The following TCF3 variants were observed in gnomAD, a reference collection of about 807,000 sequenced individuals.
The protein encoded by TCF3 is transcription factor 3.
TCF3 carries 54 observed loss-of-function variants against 72.3 expected under a neutral mutation model. That is an observed-to-expected ratio of 0.75 (90% CI 0.60 to 0.94). TCF3 has a LOEUF of 0.94. Ranked by LOEUF, TCF3 falls within the 40% of genes least tolerant of loss-of-function variation. The pLI, the probability that TCF3 is intolerant of heterozygous loss-of-function variation, is 0.00. For synonymous variants in TCF3, 525 were observed against 412.6 expected (o/e 1.27, Z -3.30); for missense variants, 1,078 against 934.4 (o/e 1.15, Z -2.00).
intron 7 of TCF3, 41 bp from the exon 8 acceptor site, chr19:1,624,041 G>C: frequency 1.2e-6 from 2 of 1,600,228 alleles, no homozygotes; most frequent in Non-Finnish European, 1.7e-6. Context: ...CACCGGCCAT[G>C]AGAACAACCC....
chr19:1,625,314 G>A (rs928052932), intron 7 of TCF3, among the ~76,000 whole-genome samples: 5 of 152,370 alleles, frequency 3.3e-5, no homozygotes, highest in Admixed American at 1.3e-4. Context: ...GCACATGGCA[G>A]AGCCCGTGCC....
chr19:1,648,044 C>A (rs954819678), intron 2 of TCF3, among the ~76,000 whole-genome samples: 1 of 152,186 alleles, frequency 6.6e-6, no homozygotes, highest in South Asian at 2.1e-4. Flanking sequence ...CCAGGCAGGG[C>A]ATGTCAGCCC....
At chr19:1,652,028 C>G (rs976063448) in intron 1 of TCF3, among the ~76,000 whole-genome samples, 3 of 150,960 alleles carry the variant, frequency 2.0e-5, no homozygotes, top group Admixed American at 2.0e-4. Flanking sequence ...CCCGCGCCCC[C>G]GCCCGGGGCT....
chr19:1,618,896 G>A (rs1037177006), intron 16 of TCF3, among the ~76,000 whole-genome samples: 1 of 152,208 alleles, frequency 6.6e-6, no homozygotes, highest in Non-Finnish European at 1.5e-5. Flanking sequence ...CGAATGAAGA[G>A]GCAGCCCAGA....
rs1317187997 is a variant in TCF3, at chr19:1,650,334, G to A, written c.-39-47C>T. 3.9e-5 allele frequency: 54 copies of A among 1,388,784 alleles called. 1 individual carries two copies. Among genetic ancestry groups the A allele is most frequent in the Non-Finnish European group, 4.9e-5 (50 of 1,016,880 alleles). The allele number at this position is 1,388,784 out of a possible 1,614,324, so 86.0% of individuals were successfully genotyped here. A position where few individuals can be genotyped will look rare whatever the true frequency, so the allele number is the denominator to read the frequency against. ...AGATGGACAGGGAGAAACAGGGAGGGGAGAAGAGTTGTGAGTGGTCAAAGC... is the reference window on the plus strand; with the variant it reads ...AGATGGACAGGGAGAAACAGGGAGGAGAGAAGAGTTGTGAGTGGTCAAAGC... On this transcript the variant is annotated intron_variant, in intron 1 of 18. Coordinates refer to ENST00000262965, the MANE Select transcript of TCF3 (RefSeq NM_003200.5).
Position 1,619,959 on chromosome 19 carries a change from G to A in TCF3, c.1094-106C>T, listed in dbSNP as rs1002403468. ...AACCACCCCGCCTGTCCAGCCTCCG[G>A]TGATGCCCAAGATGGCCATTCCGGG... On this transcript the variant is annotated intron_variant, in intron 13 of 18. Coordinates refer to ENST00000262965, the MANE Select transcript of TCF3 (RefSeq NM_003200.5). 8.6e-6 allele frequency: 9 copies of A among 1,040,514 alleles called. No individual in the cohort carries two copies. In the African/African-American group the frequency reaches 1.1e-4, roughly 13 times the overall value. The allele number at this position is 1,040,514 out of a possible 1,614,324, so 64.5% of individuals were successfully genotyped here.
At chr19:1,640,259 G>A (rs893181908) in intron 3 of TCF3, among the ~76,000 whole-genome samples, 13 of 152,162 alleles carry the variant, frequency 8.5e-5, no homozygotes, top group Non-Finnish European at 1.5e-4. Flanking sequence ...AATGAGGCCG[G>A]GCTCGGTGGC....
chr19:1,611,305 G>A lies in TCF3; in HGVS notation c.*402C>T. The A allele has an allele frequency of 8.1e-6, 3 of 371,926 alleles. No homozygotes were observed. Among genetic ancestry groups the A allele is most frequent in the East Asian group, 3.9e-5 (1 of 25,670 alleles). 23.0% of individuals were successfully genotyped at this position (371,926 alleles called of 1,614,324 possible). A position where few individuals can be genotyped will look rare whatever the true frequency, so the allele number is the denominator to read the frequency against. ...TGTTTCCATTTCTCCGCTTTTTATA[G>A]TTAAGGCATTTTTTTCTTCTCTGAC... On this transcript the variant is annotated 3_prime_UTR_variant, in exon 19 of 19. Transcript: ENST00000262965.
At chr19:1,645,887 T>C (rs1047688664) in intron 3 of TCF3, among the ~76,000 whole-genome samples, 2 of 152,166 alleles carry the variant, frequency 1.3e-5, no homozygotes, top group African/African-American at 4.8e-5. Context: ...TGCTGGGCCC[T>C]GCATACAGCA....
Position 1,612,516 on chromosome 19 carries a change from A to G in TCF3, c.1823-667T>C, listed in dbSNP as rs946649971. ...GGGCTGGGTTGTGGAGAGGGTATCC[A>G]GCTACTTGTGTTTGTGCTGGTGTGG... On this transcript the variant is annotated intron_variant, in intron 18 of 18. Coordinates refer to ENST00000262965, the MANE Select transcript of TCF3 (RefSeq NM_003200.5). The G allele has an allele frequency of 1.5e-5, 20 of 1,365,852 alleles. No homozygotes were observed. The Admixed American group carries it at 3.7e-4, about 25-fold the overall frequency. The allele number at this position is 1,365,852 out of a possible 1,614,324, so 84.6% of individuals were successfully genotyped here.
intron 3 of TCF3, among the ~76,000 whole-genome samples, chr19:1,638,184 T>G (rs991579621): frequency 2.0e-5 from 3 of 152,200 alleles, no homozygotes; most frequent in African/African-American, 7.2e-5. Flanking sequence ...GAGTTCTCTC[T>G]CATTTCACTG....
intron 5 of TCF3, among the ~76,000 whole-genome samples, chr19:1,629,554 G>T (rs948502411): frequency 3.3e-5 from 5 of 151,972 alleles, no homozygotes; most frequent in African/African-American, 1.2e-4. Flanking sequence ...AGCATGGAGG[G>T]CCTGGGCTAC....
intron 3 of TCF3, among the ~76,000 whole-genome samples, chr19:1,642,271 C>G (rs550075224): frequency 1.3e-4 from 20 of 151,202 alleles, no homozygotes; most frequent in African/African-American, 4.4e-4. Context: ...CACACGCACG[C>G]ACACGCACAG....
At position 1,610,927 on chromosome 19, in the gene TCF3, GGGGGGGGGGGGAC is replaced by G; in HGVS notation, c.*767_*779del. ...TCTGTCTGTGTGCAGTGGCTTCCGGGGGGGGGGGGGGACGGGGGGGCTCAGGTTTACACGGGGT... is the reference window on the plus strand; with the variant it reads ...TCTGTCTGTGTGCAGTGGCTTCCGGGGGGGGGGCTCAGGTTTACACGGGGT... On this transcript the variant is annotated 3_prime_UTR_variant, in exon 19 of 19. Coordinates refer to ENST00000262965, the MANE Select transcript of TCF3 (RefSeq NM_003200.5). The G allele has an allele frequency of 5.7e-6, 1 of 175,714 alleles. No homozygotes were observed. 10.9% of individuals were successfully genotyped at this position (175,714 alleles called of 1,614,324 possible). A position where few individuals can be genotyped will look rare whatever the true frequency, so the allele number is the denominator to read the frequency against.
Position 1,614,918 on chromosome 19 carries a change from A to G in TCF3, c.1822+367T>C, listed in dbSNP as rs772778272. Among the ~76,000 whole-genome samples, 4 of 152,144 alleles carry G rather than the reference A, an allele frequency of 2.6e-5. No homozygotes were observed. Among genetic ancestry groups the G allele is most frequent in the Non-Finnish European group, 4.4e-5 (3 of 68,016 alleles). ...GCTCCTGTCTCTGGGATCGGGGGAC[A>G]CTGGCCTCTGTGAGCTGGGTTCTGG... On this transcript the variant is annotated intron_variant, in intron 18 of 18. Transcript: ENST00000262965. The surrounding 1 kb of genome is among the most constrained non-coding windows in gnomAD (Gnocchi z 5.6).
chr19:1,631,954 G>A (rs1263292519), intron 5 of TCF3, 84 bp downstream of exon 5: 2 of 1,556,102 alleles, frequency 1.3e-6, no homozygotes, highest in South Asian at 2.4e-5. Context: ...GACTTGCCTG[G>A]CGCTGTGCGT....
intron 7 of TCF3, 45 bp downstream of exon 7, chr19:1,625,531 G>A (rs1428774918): frequency 2.1e-5 from 32 of 1,512,762 alleles, no homozygotes; most frequent in Admixed American, 9.0e-5. Context: ...CCCTTTGCAG[G>A]CTCCCTCCCA....
intron 18 of TCF3, chr19:1,612,254 A>G (rs2061080679): frequency 6.2e-7 from 1 of 1,609,986 alleles, no homozygotes. Flanking sequence ...GGCCTGCTGC[A>G]GGATGAGCAG....
intron 3 of TCF3, 72 bp downstream of exon 3, chr19:1,646,283 G>A (rs1419841401): frequency 1.2e-5 from 17 of 1,457,540 alleles, no homozygotes; most frequent in East Asian, 5.1e-5. Flanking sequence ...AGCCTCCCTC[G>A]CCCGCACACT....
Sources: gnomAD v4.1 joint callset for allele counts (sites outside exome capture counted in the v4.1 genomes callset) on GRCh38, gnomAD v4.1.1 for gene constraint, Gnocchi (gnomAD v3.1) non-coding constraint, MANE v1.5 for transcripts, NCBI Gene and HGNC (gene_info 2026-07-23, HGNC 2026-07-21) for gene names.